Variants in MAPK10 observed in about 807,000 individuals in gnomAD.
MAPK10 encodes the protein mitogen-activated protein kinase 10.
In MAPK10, 25 loss-of-function variants were observed where a neutral mutation model predicts 59.3. The observed-to-expected ratio is 0.42, with a 90% CI of 0.31 to 0.59. The LOEUF (loss-of-function observed/expected upper bound fraction) is 0.59, where lower values mean the gene tolerates loss of function less well. Among genes scored for constraint, MAPK10 ranks in the 20% least tolerant of loss-of-function variants. MAPK10 has a pLI of 0.15. For missense variants in MAPK10, 351 were observed against 568.9 expected, an observed-to-expected ratio of 0.62 and a Z score of 3.90; for synonymous variants, 190 against 200.5, an observed-to-expected ratio of 0.95 and a Z score of 0.44.
chr4:86,043,518 C>G (rs1014263341), intron 11 of MAPK10, among the ~76,000 whole-genome samples: 4 of 152,054 alleles, frequency 2.6e-5, no homozygotes, highest in Non-Finnish European at 5.9e-5. Context: ...GGCTATAAAG[C>G]TATAAGTCAT....
intron 12 of MAPK10, among the ~76,000 whole-genome samples, chr4:86,029,768 C>G (rs71603477): frequency 0.097 from 14,651 of 151,792 alleles, 868 homozygotes; most frequent in Non-Finnish European, 0.13. Flanking sequence ...ATTCTCATGA[C>G]TTTAAATTAT....
intron 1 of MAPK10, among the ~76,000 whole-genome samples, chr4:86,383,003 A>C (rs1281534692): frequency 6.6e-6 from 1 of 152,238 alleles, no homozygotes; most frequent in African/African-American, 2.4e-5. Flanking sequence ...TCATAAAATT[A>C]GTACAAATAG....
intron 2 of MAPK10, chr4:86,327,487 G>A (rs556464503): frequency 6.6e-6 from 1 of 151,002 alleles, no homozygotes; most frequent in Admixed American, 6.6e-5. Flanking sequence ...TCTTGTACTA[G>A]CCAACACTTC....
At chr4:86,064,044 G>A (rs1041888951) in intron 11 of MAPK10, among the ~76,000 whole-genome samples, 2 of 152,146 alleles carry the variant, frequency 1.3e-5, no homozygotes, top group African/African-American at 4.8e-5. Context: ...GACATCTAAG[G>A]TTTGTAGGAC....
rs1055574982 is a variant in MAPK10 at position 86,070,548 on chromosome 4, C to G, written c.803-2593G>C. Among the ~76,000 whole-genome samples the G allele has an allele frequency of 6.2e-5, 8 of 129,958 alleles. No individual in the cohort carries two copies. The South Asian group carries it at 2.4e-3, about 38-fold the overall frequency. 85.3% of individuals were successfully genotyped at this position (129,958 alleles called of 152,430 possible). On this transcript the variant is annotated intron_variant, in intron 9 of 13. Coordinates refer to ENST00000641462, the MANE Select transcript of MAPK10 (RefSeq NM_138982.4). ...CAATGCTATCCTTCCCCCCTCCCCC[C>G]ACCCCACCACAGTCCCCAGAGTGTC...
rs1166183909 is a variant in MAPK10 at position 86,011,428 on chromosome 4, G to A, written c.*5800C>T. 2.0e-5 allele frequency: 3 copies of A among 152,166 alleles called. No homozygotes were observed. Among genetic ancestry groups the A allele is most frequent in the Non-Finnish European group, 4.4e-5 (3 of 68,030 alleles). The allele number at this position is 152,166 out of a possible 1,614,324, so 9.4% of individuals were successfully genotyped here. On this transcript the variant is annotated 3_prime_UTR_variant, in exon 14 of 14. Transcript: ENST00000641462. Reference sequence around the variant, plus strand: ...TTGGCTGTGATCCAGTGTTGTTATTGGCAAGTAGATTCATCCTTCTAGGTT... The same window carrying A: ...TTGGCTGTGATCCAGTGTTGTTATTAGCAAGTAGATTCATCCTTCTAGGTT...
At position 86,354,598 on chromosome 4, in the gene MAPK10, TAGTGAAGATCTG is replaced by T; in HGVS notation, c.-87_-76del. The T allele has an allele frequency of 8.1e-7, 1 of 1,231,432 alleles. No homozygotes were observed. The highest frequency in any genetic ancestry group is 1.0e-6 in the Non-Finnish European group (1 of 987,396). The allele number at this position is 1,231,432 out of a possible 1,614,324, so 76.3% of individuals were successfully genotyped here. A position where few individuals can be genotyped will look rare whatever the true frequency, so the allele number is the denominator to read the frequency against. On this transcript the variant is annotated 5_prime_UTR_variant, in exon 2 of 14. Coordinates refer to ENST00000641462, the MANE Select transcript of MAPK10 (RefSeq NM_138982.4). ...CAACAGTTTCTTGCATAAGTTGCCATAGTGAAGATCTGAGATGGGCCTGCTGTTGGTGTTTCT... is the reference window on the plus strand; with the variant it reads ...CAACAGTTTCTTGCATAAGTTGCCATAGATGGGCCTGCTGTTGGTGTTTCT...
chr4:86,166,284 C>T (rs1030828141), intron 3 of MAPK10, among the ~76,000 whole-genome samples: 1 of 152,150 alleles, frequency 6.6e-6, no homozygotes, highest in Non-Finnish European at 1.5e-5. Flanking sequence ...TGACTGTGAG[C>T]CCTTGGGCAA....
Position 86,433,733 on chromosome 4 carries a change from G to A in MAPK10, c.-122+19297C>T, listed in dbSNP as rs570206839. Among the ~76,000 whole-genome samples the A allele has an allele frequency of 3.9e-5, 6 of 151,924 alleles. No homozygotes were observed. In the South Asian group the frequency reaches 6.2e-4, roughly 16 times the overall value. ...CCTTCTTTAAAAACTGCTGGACCAC[G>A]ACTAGGCCGAGCTGTGCCCAGTCCA... is the stretch of plus-strand genomic sequence containing the variant. On this transcript the variant is annotated intron_variant, in intron 1 of 13. Transcript: ENST00000361569.
intron 2 of MAPK10, among the ~76,000 whole-genome samples, chr4:86,249,796 G>A (rs1323172856): frequency 6.6e-6 from 1 of 152,084 alleles, no homozygotes; most frequent in Non-Finnish European, 1.5e-5. Context: ...TAGGCCAGGT[G>A]GGCCCCCTAA....
chr4:86,274,771 T>A (rs1363700872), intron 2 of MAPK10, among the ~76,000 whole-genome samples: 1 of 151,936 alleles, frequency 6.6e-6, no homozygotes, highest in Non-Finnish European at 1.5e-5. Context: ...TACACACATA[T>A]CACCTCTCTT....
chr4:86,134,980 G>C (rs765350907), intron 4 of MAPK10, among the ~76,000 whole-genome samples: 1 of 152,174 alleles, frequency 6.6e-6, no homozygotes, highest in African/African-American at 2.4e-5. Context: ...TTTCCGACGG[G>C]CTTAAAAAAC....
intron 11 of MAPK10, chr4:86,044,701 G>A (rs182665012): frequency 1.0e-4 from 41 of 397,474 alleles, no homozygotes; most frequent in African/African-American, 3.1e-4. Flanking sequence ...AATGCAGTCC[G>A]TAGACTAAAG....
chr4:86,383,119 G>A (rs1740988006), intron 1 of MAPK10, among the ~76,000 whole-genome samples: 1 of 152,158 alleles, frequency 6.6e-6, no homozygotes, highest in South Asian at 2.1e-4. Flanking sequence ...TAAAATAAAT[G>A]TAATCTCAGG....
chr4:86,130,019 G>A (rs886341176), intron 4 of MAPK10, among the ~76,000 whole-genome samples: 31 of 152,182 alleles, frequency 2.0e-4, no homozygotes, highest in African/African-American at 6.5e-4. Context: ...AATGACTGCT[G>A]CATATGTGAA....
chr4:86,224,132 G>C (rs1443824464), intron 2 of MAPK10, among the ~76,000 whole-genome samples: 1 of 152,016 alleles, frequency 6.6e-6, no homozygotes, highest in Admixed American at 6.6e-5. Context: ...TGAGTGCACT[G>C]AACAAATGAA....
chr4:86,303,018 G>A (rs1305001336), intron 2 of MAPK10, among the ~76,000 whole-genome samples: 4 of 151,988 alleles, frequency 2.6e-5, no homozygotes, highest in African/African-American at 7.2e-5. Context: ...TCCCATTACC[G>A]GAATTCCTCT....
At chr4:86,331,189 C>T (rs1293685629) in intron 2 of MAPK10, among the ~76,000 whole-genome samples, 1 of 152,150 alleles carries the variant, frequency 6.6e-6, no homozygotes, top group Non-Finnish European at 1.5e-5. Context: ...TCAAGCTTGA[C>T]TTAAACCACC....
intron 2 of MAPK10, among the ~76,000 whole-genome samples, chr4:86,202,645 C>T (rs1478561147): frequency 6.6e-6 from 1 of 151,944 alleles, no homozygotes; most frequent in Non-Finnish European, 1.5e-5. Flanking sequence ...AATCCAAGCA[C>T]AATGACTTCA....
Sources: gnomAD v4.1 joint callset for allele counts (sites outside exome capture counted in the v4.1 genomes callset) on GRCh38, gnomAD v4.1.1 for gene constraint, MANE v1.5 for transcripts, NCBI Gene and HGNC (gene_info 2026-07-23, HGNC 2026-07-21) for gene names.